Variants in DNMT3A observed in about 807,000 individuals in gnomAD.
The protein encoded by DNMT3A is DNA methyltransferase 3 alpha.
Under a neutral mutation model 117.6 loss-of-function variants are expected in DNMT3A, and 267 were observed. That is an observed-to-expected ratio of 2.27 (90% CI 2.05 to 2.51). The LOEUF (loss-of-function observed/expected upper bound fraction) is 2.51, where lower values mean the gene tolerates loss of function less well. Among genes scored for constraint, DNMT3A ranks in the 30% most tolerant of loss-of-function variants. DNMT3A has a pLI of 0.00. For synonymous variants in DNMT3A, 432 were observed against 474.8 expected (o/e 0.91, Z 1.17); for missense variants, 1,029 against 1,260.2 (o/e 0.82, Z 2.78).
intron 1 of DNMT3A, among the ~76,000 whole-genome samples, chr2:25,319,608 A>C (rs2034516896): frequency 6.6e-6 from 1 of 152,208 alleles, no homozygotes; most frequent in Admixed American, 6.5e-5. Context: ...ACCTGGCATG[A>C]GCCAGAGAGG....
intron 1 of DNMT3A, among the ~76,000 whole-genome samples, chr2:25,323,032 T>G (rs1169945300): frequency 6.6e-6 from 1 of 151,996 alleles, no homozygotes; most frequent in Non-Finnish European, 1.5e-5. Context: ...CTTCCCCTCC[T>G]TCCCGGTGGG....
intron 6 of DNMT3A, among the ~76,000 whole-genome samples, chr2:25,268,608 C>T (rs1187748070): frequency 6.6e-6 from 1 of 152,110 alleles, no homozygotes; most frequent in Non-Finnish European, 1.5e-5. Context: ...ACTGCCCTAC[C>T]CTGCCCTCCC....
chr2:25,245,651 A>G (rs899119306), intron 12 of DNMT3A, among the ~76,000 whole-genome samples: 2 of 152,110 alleles, frequency 1.3e-5, no homozygotes, highest in East Asian at 1.9e-4. Flanking sequence ...CCCTGCCCCA[A>G]TCCTCCCAGG....
At chr2:25,325,237 C>T (rs749039678) in intron 1 of DNMT3A, among the ~76,000 whole-genome samples, 1 of 152,114 alleles carries the variant, frequency 6.6e-6, no homozygotes, top group Non-Finnish European at 1.5e-5. Flanking sequence ...AAGGCAGCAC[C>T]GATTTCCAAG....
At chr2:25,300,467 C>T (rs1294779727) in intron 2 of DNMT3A, among the ~76,000 whole-genome samples, 1 of 150,254 alleles carries the variant, frequency 6.7e-6, no homozygotes, top group Non-Finnish European at 1.5e-5. Flanking sequence ...CTTGGCCAGG[C>T]ACCGTGGCTC....
chr2:25,275,571 AGTTCGTTGGT>A lies in DNMT3A; in HGVS notation c.449-38_449-29del, dbSNP rs1411932692. 1.9e-6 allele frequency: 3 copies of A among 1,553,400 alleles called. No individual in the cohort carries two copies. In the Admixed American group the frequency reaches 6.7e-5, roughly 35 times the overall value. On this transcript the variant is annotated intron_variant, in intron 4 of 22. Coordinates refer to ENST00000321117, the MANE Select transcript of DNMT3A (RefSeq NM_022552.5). Reference sequence around the variant, plus strand: ...GTGGAGAGGGAAGAACAAAGGGACCAGTTCGTTGGTCGGCAGAATTACTGGAGTGGCTCAC... The same window carrying A: ...GTGGAGAGGGAAGAACAAAGGGACCACGGCAGAATTACTGGAGTGGCTCAC...
At chr2:25,323,811 T>C (rs1558742311) in intron 1 of DNMT3A, among the ~76,000 whole-genome samples, 1 of 152,206 alleles carries the variant, frequency 6.6e-6, no homozygotes, top group Non-Finnish European at 1.5e-5. Flanking sequence ...AACATCTCAT[T>C]AATCCTCACA....
intron 6 of DNMT3A, among the ~76,000 whole-genome samples, chr2:25,248,859 T>C (rs1675184701): frequency 6.6e-6 from 1 of 151,652 alleles, no homozygotes; most frequent in Non-Finnish European, 1.5e-5. Flanking sequence ...ACGTTAATGT[T>C]TTTTTTTTAA....
intron 1 of DNMT3A, among the ~76,000 whole-genome samples, chr2:25,340,377 GGAGAGGGTGCCCC>G (rs2035370258): frequency 6.6e-6 from 1 of 152,186 alleles, no homozygotes; most frequent in Non-Finnish European, 1.5e-5. Flanking sequence ...CGCTGGGGTG[GGAGAGGGTGCCCC>G]CAAGAAGGGA....
intron 1 of DNMT3A, among the ~76,000 whole-genome samples, chr2:25,340,336 G>A (rs1573521185): frequency 1.3e-5 from 2 of 152,196 alleles, no homozygotes; most frequent in South Asian, 2.1e-4. Flanking sequence ...GGACGGAGGG[G>A]ATGAGGAGAG....
rs758069336 is a variant in DNMT3A, at chr2:25,327,334, T to A, written c.-177-13173A>T. ...CGCGGCCCCAAAGGGCTTTTTTCCA[T>A]CCTCATGGCCCTTGAGCTCAATTCA... On this transcript the variant is annotated intron_variant, in intron 1 of 22. Coordinates refer to ENST00000321117, the MANE Select transcript of DNMT3A (RefSeq NM_022552.5). This position sits in a 1 kb window ranked among gnomAD's most constrained non-coding sequence, Gnocchi z 4.1. 1.3e-5 allele frequency among the ~76,000 whole-genome samples: 2 copies of A among 152,166 alleles called. No homozygotes were observed. The highest frequency in any genetic ancestry group is 2.9e-5 in the Non-Finnish European group (2 of 68,034).
intron 1 of DNMT3A, among the ~76,000 whole-genome samples, chr2:25,328,143 T>G (rs1253860217): frequency 6.6e-6 from 1 of 152,228 alleles, no homozygotes; most frequent in Non-Finnish European, 1.5e-5. Flanking sequence ...GTGAATGTAC[T>G]AAAACCATCG....
In DNMT3A at chr2:25,231,442, C is replaced by T. The variant is rs956182730; in HGVS notation, c.*2837G>A. ...GAGACAGTAGATTGGGGTCCAGGAC[C>T]AAGCACCCCAAAAAGGGGTGAGACC... On this transcript the variant is annotated 3_prime_UTR_variant, in exon 23 of 23. Coordinates refer to ENST00000321117, the MANE Select transcript of DNMT3A (RefSeq NM_022552.5). 1.3e-5 allele frequency: 2 copies of T among 152,220 alleles called. No homozygotes were observed. Among genetic ancestry groups the T allele is most frequent in the Admixed American group, 6.5e-5 (1 of 15,286 alleles). The allele number at this position is 152,220 out of a possible 1,614,324, so 9.4% of individuals were successfully genotyped here.
In DNMT3A at chr2:25,233,282, A is replaced by C. The variant is rs1031811636; in HGVS notation, c.*997T>G. The C allele has an allele frequency of 3.0e-5, 7 of 233,452 alleles. No individual in the cohort carries two copies. The highest frequency in any genetic ancestry group is 6.6e-5 in the African/African-American group (3 of 45,256). 14.5% of individuals were successfully genotyped at this position (233,452 alleles called of 1,614,324 possible). A position where few individuals can be genotyped will look rare whatever the true frequency, so the allele number is the denominator to read the frequency against. ...AGTTCTCCTCCTTCACTTCGTTACA[A>C]ACCAAGGGGAAGAGCCCACCGTGAG... On this transcript the variant is annotated 3_prime_UTR_variant, in exon 23 of 23. Coordinates refer to ENST00000321117, the MANE Select transcript of DNMT3A (RefSeq NM_022552.5).
intron 16 of DNMT3A, among the ~76,000 whole-genome samples, chr2:25,242,508 G>C: frequency 6.6e-6 from 1 of 152,156 alleles, no homozygotes; most frequent in South Asian, 2.1e-4. Flanking sequence ...AAGGCCTCAA[G>C]GTTCCAGTCT....
At chr2:25,271,427 T>G (rs1167949733) in intron 6 of DNMT3A, among the ~76,000 whole-genome samples, 1 of 152,238 alleles carries the variant, frequency 6.6e-6, no homozygotes, top group Non-Finnish European at 1.5e-5. Context: ...TTGGGAATCT[T>G]GAAAGCTACC....
chr2:25,257,854 G>C lies in DNMT3A; in HGVS notation c.640-9602C>G, dbSNP rs532120896. 6.6e-6 allele frequency among the ~76,000 whole-genome samples: 1 copy of C among 152,316 alleles called. No individual in the cohort carries two copies. Among genetic ancestry groups the C allele is most frequent in the South Asian group, 2.1e-4 (1 of 4,826 alleles). ...CCAGGTGTGGAAACACGGAGACCCT[G>C]GCTGTGTCTGTTACAAATGAGAACA... On this transcript the variant is annotated intron_variant, in intron 6 of 22. Transcript: ENST00000321117. The surrounding 1 kb of genome is among the most constrained non-coding windows in gnomAD (Gnocchi z 4.8).
chr2:25,266,837 G>C (rs1282872148), intron 6 of DNMT3A, among the ~76,000 whole-genome samples: 1 of 152,194 alleles, frequency 6.6e-6, no homozygotes, highest in African/African-American at 2.4e-5. Context: ...ATAAATTGGA[G>C]TGCCCTTTTT....
intron 6 of DNMT3A, among the ~76,000 whole-genome samples, chr2:25,251,367 C>A (rs189289133): frequency 2.0e-4 from 31 of 152,112 alleles, no homozygotes; most frequent in Admixed American, 4.6e-4. Context: ...CTGCTCACCC[C>A]CAGGGGGGCG....
Sources: gnomAD v4.1 joint callset for allele counts (sites outside exome capture counted in the v4.1 genomes callset) on GRCh38, gnomAD v4.1.1 for gene constraint, Gnocchi (gnomAD v3.1) non-coding constraint, MANE v1.5 for transcripts, NCBI Gene and HGNC (gene_info 2026-07-23, HGNC 2026-07-21) for gene names.